Variants in KDM6A observed in about 807,000 individuals in gnomAD.
The protein encoded by KDM6A is lysine-specific demethylase 6A.
Under a neutral mutation model 117.6 loss-of-function variants are expected in KDM6A, and 11 were observed. The observed-to-expected ratio is 0.09, with a 90% CI of 0.06 to 0.15. The LOEUF (loss-of-function observed/expected upper bound fraction) is 0.15. Among genes scored for constraint, KDM6A ranks in the 10% least tolerant of loss-of-function variants. The pLI is 1.00. For synonymous variants in KDM6A, 384 were observed against 396.1 expected (o/e 0.97, Z 0.36); for missense variants, 799 against 1,077.3 (o/e 0.74, Z 3.62).
At position 45,040,172 on chromosome X, in the gene KDM6A, G is replaced by T. The variant is rs1213758410; in HGVS notation, c.654+2483G>T. ...CCCCACCATCCTCCCGGACGGGGCGGCTGGCCAGGCAGAGGGGCTCCTTAC... is the reference window on the plus strand; with the variant it reads ...CCCCACCATCCTCCCGGACGGGGCGTCTGGCCAGGCAGAGGGGCTCCTTAC... On this transcript the variant is annotated intron_variant, in intron 8 of 29. Coordinates refer to ENST00000611820, the MANE Select transcript of KDM6A (RefSeq NM_001291415.2). Among the ~76,000 whole-genome samples the T allele has an allele frequency of 3.6e-5, 3 of 82,200 alleles. No homozygotes were observed. The East Asian group carries it at 1.3e-3, about 35-fold the overall frequency. The allele number at this position is 82,200 out of a possible 115,157, so 71.4% of individuals were successfully genotyped here.
intron 4 of KDM6A, among the ~76,000 whole-genome samples, chrX:45,000,725 TG>T (rs759325810): frequency 8.9e-6 from 1 of 112,735 alleles, no homozygotes; most frequent in East Asian, 2.8e-4. Flanking sequence ...CCTCGGGGGC[TG>T]GGAGATGGAA....
At chrX:45,010,909 A>G in intron 4 of KDM6A, 52 bp from the exon 5 acceptor site, 1 of 863,144 alleles carries the variant, frequency 1.2e-6, no homozygotes, top group Non-Finnish European at 1.7e-6. Flanking sequence ...ATAACATCAT[A>G]TATGTTAGAT....
chrX:45,035,912 G>C (rs2042791314), intron 7 of KDM6A, among the ~76,000 whole-genome samples: 1 of 110,216 alleles, frequency 9.1e-6, no homozygotes, highest in South Asian at 3.9e-4. Flanking sequence ...TGTTAGCCAG[G>C]ATGGTCTCGA....
intron 2 of KDM6A, among the ~76,000 whole-genome samples, chrX:44,888,538 T>C (rs2033084688): frequency 8.9e-6 from 1 of 112,104 alleles, no homozygotes. Context: ...TTAAACTTTG[T>C]TTTAGATTAT....
chrX:45,042,247 AGACCGTG>A (rs1305926005), intron 8 of KDM6A, among the ~76,000 whole-genome samples: 9 of 57,200 alleles, frequency 1.6e-4, no homozygotes, highest in African/African-American at 8.6e-4. Flanking sequence ...CCGTGGAAGG[AGACCGTG>A]GAGGGAGAGG....
In KDM6A at chrX:44,927,571, G is replaced by C. The variant is rs772095660; in HGVS notation, c.226-33713G>C. On this transcript the variant is annotated intron_variant, in intron 2 of 29. Coordinates refer to ENST00000611820, the MANE Select transcript of KDM6A (RefSeq NM_001291415.2). ...GGAGAGAGCAGAGAGGCCTCCAGCT[G>C]TCTACTCACCTGGCTCAATGTGCAG... Among the ~76,000 whole-genome samples, 5 of 110,494 alleles carry C rather than the reference G, an allele frequency of 4.5e-5. No homozygotes were observed. The South Asian group carries it at 1.9e-3, about 42-fold the overall frequency.
chrX:45,066,408 CTTGTTGTTGTT>C (rs1225612573), intron 17 of KDM6A, among the ~76,000 whole-genome samples: 1 of 111,024 alleles, frequency 9.0e-6, no homozygotes, highest in Non-Finnish European at 1.9e-5. Context: ...GAGTTGTTGT[CTTGTTGTTGTT>C]TTAAATTTAA....
intron 2 of KDM6A, among the ~76,000 whole-genome samples, chrX:44,932,112 T>TTTTA (rs1491514439): frequency 3.5e-5 from 2 of 57,033 alleles, no homozygotes; most frequent in African/African-American, 1.1e-4. Context: ...TTTTTTTTTT[T>TTTTA]AAGATGGAGT....
intron 28 of KDM6A, among the ~76,000 whole-genome samples, chrX:45,108,080 A>G (rs1030249722): frequency 1.8e-5 from 2 of 111,740 alleles, no homozygotes; most frequent in African/African-American, 3.3e-5. Context: ...CCTGTTAATG[A>G]TAACACTGAG....
chrX:44,901,796 T>C (rs1290439573), intron 2 of KDM6A, among the ~76,000 whole-genome samples: 1 of 112,534 alleles, frequency 8.9e-6, no homozygotes, highest in Non-Finnish European at 1.9e-5. Flanking sequence ...TTGTATGATA[T>C]TAGTATAGCC....
At chrX:45,064,373 G>T (rs1053346246) in intron 17 of KDM6A, among the ~76,000 whole-genome samples, 1 of 111,430 alleles carries the variant, frequency 9.0e-6, no homozygotes, top group Non-Finnish European at 1.9e-5. Context: ...GTTATGAAGA[G>T]GGGAGGGTGA....
intron 27 of KDM6A, among the ~76,000 whole-genome samples, chrX:45,098,690 G>C (rs1470781797): frequency 1.8e-5 from 2 of 112,140 alleles, no homozygotes; most frequent in East Asian, 5.6e-4. Flanking sequence ...GTAGCCCTCA[G>C]CTGGCTGATA....
At chrX:44,946,739 A>ATT (rs75014671) in intron 2 of KDM6A, among the ~76,000 whole-genome samples, 6 of 108,575 alleles carry the variant, frequency 5.5e-5, no homozygotes, top group Admixed American at 2.0e-4. Flanking sequence ...AGTCCACTTT[A>ATT]TTTTTTTTCT....
intron 18 of KDM6A, among the ~76,000 whole-genome samples, chrX:45,076,413 G>A: frequency 9.0e-6 from 1 of 110,938 alleles, no homozygotes; most frequent in Non-Finnish European, 1.9e-5. Context: ...TTGTTGTTTA[G>A]GTGAAAATAA....
chrX:45,073,131 T>C (rs182165981), intron 18 of KDM6A, among the ~76,000 whole-genome samples: 110 of 110,760 alleles, frequency 9.9e-4, no homozygotes, highest in Non-Finnish European at 3.4e-4. Context: ...TATTTGGTTT[T>C]CCGTCCTTGT....
intron 5 of KDM6A, among the ~76,000 whole-genome samples, chrX:45,018,962 TG>T (rs2147650586): frequency 8.9e-6 from 1 of 111,909 alleles, no homozygotes; most frequent in African/African-American, 3.2e-5. Flanking sequence ...TAAACATTCA[TG>T]TAATCACCAC....
At chrX:45,040,607 G>A (rs2043084328) in intron 8 of KDM6A, among the ~76,000 whole-genome samples, 1 of 81,786 alleles carries the variant, frequency 1.2e-5, no homozygotes, top group African/African-American at 5.4e-5. Flanking sequence ...GGACGGGGCG[G>A]CTGGCCAGGC....
chrX:45,080,403 G>C (rs189005722), intron 21 of KDM6A, among the ~76,000 whole-genome samples: 1 of 111,856 alleles, frequency 8.9e-6, no homozygotes, highest in African/African-American at 3.2e-5. Flanking sequence ...ACTATAATGA[G>C]AACTTTGTGA....
intron 4 of KDM6A, among the ~76,000 whole-genome samples, chrX:44,992,246 C>T (rs1200440626): frequency 5.5e-5 from 1 of 18,218 alleles, no homozygotes; most frequent in African/African-American, 1.6e-4. Context: ...TTTTTTGAGA[C>T]GGAGTTTTGC....
Sources: allele counts gnomAD v4.1 joint callset (sites outside exome capture counted in the v4.1 genomes callset), GRCh38; gene constraint gnomAD v4.1.1; transcripts MANE v1.5; gene names NCBI Gene and HGNC (gene_info 2026-07-23, HGNC 2026-07-21).